The following HADH variants were observed in gnomAD, a reference collection of about 807,000 sequenced individuals.
HADH encodes hydroxyacyl-coenzyme A dehydrogenase, mitochondrial.
Under a neutral mutation model 32.2 loss-of-function variants are expected in HADH, and 24 were observed. The observed-to-expected ratio is 0.75, with a 90% CI of 0.54 to 1.05. The LOEUF is 1.05. Ranked by LOEUF, HADH falls within the 50% of genes least tolerant of loss-of-function variation. The probability of loss-of-function intolerance (pLI) is 0.00; values close to 1 mark genes in which losing one functional copy is unlikely to be tolerated. For synonymous variants in HADH, 139 were observed against 152.5 expected, an observed-to-expected ratio of 0.91 and a Z score of 0.65; for missense variants, 350 against 397.1, an observed-to-expected ratio of 0.88 and a Z score of 1.01.
chr4:108,033,749 T>TAATTAA (rs1320946745), intron 7 of HADH, among the ~76,000 whole-genome samples: 1 of 152,200 alleles, frequency 6.6e-6, no homozygotes, highest in Non-Finnish European at 1.5e-5. Flanking sequence ...GTAAAAATAA[T>TAATTAA]AATTAAAACT....
At chr4:108,026,116 A>T (rs1274101489) in intron 5 of HADH, 1 of 152,106 alleles carries the variant, frequency 6.6e-6, no homozygotes, top group Admixed American at 6.6e-5. Context: ...ATCTCAGCTC[A>T]CTGCAACCTC....
intron 1 of HADH, among the ~76,000 whole-genome samples, chr4:107,996,318 G>A (rs970663680): frequency 6.6e-6 from 1 of 152,188 alleles, no homozygotes; most frequent in Non-Finnish European, 1.5e-5. Flanking sequence ...CCCGGAAAGT[G>A]TCCATCATAG....
chr4:108,023,958 C>T lies in HADH; in HGVS notation c.636+395C>T, dbSNP rs2126234773. On this transcript the variant is annotated intron_variant, in intron 5 of 7. Transcript: ENST00000309522. ...GGCTTTACTTTTGCAAGAAATACTA[C>T]AGATGGTGAAATAAATGATAAGACA... is the stretch of plus-strand genomic sequence containing the variant. 2.2e-5 allele frequency: 4 copies of T among 180,056 alleles called. No homozygotes were observed. The South Asian group carries it at 4.9e-4, about 22-fold the overall frequency. 11.2% of individuals were successfully genotyped at this position (180,056 alleles called of 1,614,324 possible).
At chr4:108,015,596 A>G (rs957026948) in intron 3 of HADH, among the ~76,000 whole-genome samples, 13 of 152,118 alleles carry the variant, frequency 8.5e-5, no homozygotes, top group African/African-American at 2.9e-4. Context: ...ATTTCAAGAA[A>G]AGCCAATATG....
chr4:108,029,469 A>AT lies in HADH; in HGVS notation c.709+1710dup, dbSNP rs1736180639. 3.3e-5 allele frequency: 5 copies of AT among 152,460 alleles called. 1 individual carries two copies. In the South Asian group the frequency reaches 1.0e-3, roughly 32 times the overall value. 9.4% of individuals were successfully genotyped at this position (152,460 alleles called of 1,614,324 possible). A position where few individuals can be genotyped will look rare whatever the true frequency, so the allele number is the denominator to read the frequency against. On this transcript the variant is annotated intron_variant, in intron 6 of 7. Coordinates refer to ENST00000309522, the MANE Select transcript of HADH (RefSeq NM_005327.7). ...CCGCTACTGCACTTACTGAGAAAGTATCATATTGTCCAGGAAGTTGAGACA... is the reference window on the plus strand; with the variant it reads ...CCGCTACTGCACTTACTGAGAAAGTATTCATATTGTCCAGGAAGTTGAGACA...
At chr4:108,031,750 GTTCTCCCA>G (rs1322190507) in intron 6 of HADH, 8 of 152,158 alleles carry the variant, frequency 5.3e-5, no homozygotes, top group Admixed American at 2.0e-4. Context: ...ACACATCTGA[GTTCTCCCA>G]TTATGTCATG....
intron 4 of HADH, among the ~76,000 whole-genome samples, chr4:108,022,165 A>ATGTGTGTGTGTGTGTGTGTGTGTGTGTG (rs771719177): frequency 8.2e-5 from 10 of 121,234 alleles, no homozygotes; most frequent in African/African-American, 2.9e-4. Context: ...TTACATATAT[A>ATGTGTGTGTGTGTGTGTGTGTGTGTGTG]TATGTGTGTG....
intron 1 of HADH, among the ~76,000 whole-genome samples, chr4:107,996,480 A>G (rs1044248489): frequency 2.4e-4 from 37 of 152,224 alleles, no homozygotes; most frequent in Non-Finnish European, 8.8e-5. Context: ...AAAAAAAACT[A>G]TGTAACACAA....
chr4:108,029,477 G>T (rs1264330027), intron 6 of HADH: 1 of 152,316 alleles, frequency 6.6e-6, no homozygotes, highest in Non-Finnish European at 1.5e-5. Context: ...GTATCATATT[G>T]TCCAGGAAGT....
chr4:108,025,265 T>C (rs1192214469), intron 5 of HADH: 1 of 152,200 alleles, frequency 6.6e-6, no homozygotes, highest in African/African-American at 2.4e-5. Context: ...GGAATGTGCC[T>C]TCCTAGTGAG....
chr4:108,000,563 G>A (rs4590125), intron 1 of HADH, among the ~76,000 whole-genome samples: 125,748 of 152,226 alleles, frequency 0.83, 52,560 homozygotes, highest in East Asian at 0.97. Context: ...GCCACACCCA[G>A]TTATTTTCTT....
At chr4:108,020,585 G>T (rs751188054) in intron 4 of HADH, among the ~76,000 whole-genome samples, 1 of 152,226 alleles carries the variant, frequency 6.6e-6, no homozygotes, top group East Asian at 1.9e-4. Flanking sequence ...CCAGCATCCT[G>T]TTTGGAATGC....
rs369033899 is a variant in HADH, at chr4:108,014,436, C to T, written c.267C>T (p.Gly89=). 11 of 1,613,908 alleles carry T rather than the reference C, an allele frequency of 6.8e-6. No homozygotes were observed. Among genetic ancestry groups the T allele is most frequent in the African/African-American group, 2.7e-5 (2 of 74,878 alleles). ...TCTTCCTCCCACTGCATTAGGCCGG[C>T]GATGAATTTGTGGAGAAGACCCTGA... ...KKKFAENLKA[G]DEFVEKTLST... is the part of the protein sequence containing the mutation. The change falls in exon 3 of 8, where the codon GGC becomes GGT. Residue 89 remains glycine (G), a synonymous_variant. Transcript: ENST00000309522.
intron 1 of HADH, chr4:108,004,623 T>G (rs777713881): frequency 2.0e-6 from 3 of 1,494,272 alleles, no homozygotes; most frequent in Non-Finnish European, 2.7e-6. Context: ...TCAGGAGGAG[T>G]AACTGGAAGC....
At chr4:108,003,540 G>T in intron 1 of HADH, among the ~76,000 whole-genome samples, 1 of 152,096 alleles carries the variant, frequency 6.6e-6, no homozygotes, top group East Asian at 1.9e-4. Context: ...GTAATTTAAA[G>T]ACTTTGGTGG....
intron 3 of HADH, among the ~76,000 whole-genome samples, chr4:108,015,567 T>A (rs547619983): frequency 1.3e-5 from 2 of 152,154 alleles, no homozygotes; most frequent in Non-Finnish European, 2.9e-5. Context: ...TCCACCTCCC[T>A]CTCTCCTACC....
At chr4:108,018,001 A>C (rs1337732822) in intron 3 of HADH, among the ~76,000 whole-genome samples, 1 of 152,134 alleles carries the variant, frequency 6.6e-6, no homozygotes, top group African/African-American at 2.4e-5. Flanking sequence ...CCTCCTTCTG[A>C]TAAAATGTGC....
In HADH at chr4:108,027,505, T is replaced by C. The variant is rs1578264215; in HGVS notation, c.637-183T>C. ...GGTTTGAATGTTTTTTTAAGTACTATGATTGTTGGATAAATTGTCATATGA... is the reference window on the plus strand; with the variant it reads ...GGTTTGAATGTTTTTTTAAGTACTACGATTGTTGGATAAATTGTCATATGA... On this transcript the variant is annotated intron_variant, in intron 5 of 7. Coordinates refer to ENST00000309522, the MANE Select transcript of HADH (RefSeq NM_005327.7). 13 of 665,284 alleles carry C rather than the reference T, an allele frequency of 2.0e-5. No homozygotes were observed. In the East Asian group the frequency reaches 3.3e-4, roughly 17 times the overall value. 41.2% of individuals were successfully genotyped at this position (665,284 alleles called of 1,614,324 possible).
Position 107,998,245 on chromosome 4 carries a change from A to C in HADH, c.132+8181A>C, listed in dbSNP as rs571693115. 4.3e-4 allele frequency among the ~76,000 whole-genome samples: 66 copies of C among 152,166 alleles called. 2 individuals carry two copies. The highest frequency in any genetic ancestry group is 4.3e-3 in the Admixed American group (65 of 15,280). On this transcript the variant is annotated intron_variant, in intron 1 of 7. Transcript: ENST00000309522. ...GGGGGACATCTAGCTTAGGGCTGAG[A>C]GGATCTTGGGGAGTAGGCTTACTAA...
Sources: gnomAD v4.1 joint callset for allele counts (sites outside exome capture counted in the v4.1 genomes callset) on GRCh38, gnomAD v4.1.1 for gene constraint, MANE v1.5 for transcripts, NCBI Gene and HGNC (gene_info 2026-07-23, HGNC 2026-07-21) for gene names.